The following LCTL variants were observed in gnomAD, a reference collection of about 807,000 sequenced individuals.
LCTL encodes the protein lactase like, also known as lactase-like protein.
In LCTL, 76 loss-of-function variants were observed where a neutral mutation model predicts 75.8. The ratio of observed to expected loss-of-function variants is 1.00; its 90% confidence interval spans 0.83 to 1.21. The LOEUF is 1.21. Among genes scored for constraint, LCTL ranks in the 50% most tolerant of loss-of-function variants. LCTL has a pLI of 0.00. For synonymous variants in LCTL, 271 were observed against 268.8 expected, an observed-to-expected ratio of 1.01 and a Z score of -0.08; for missense variants, 670 against 712.4, an observed-to-expected ratio of 0.94 and a Z score of 0.68.
chr15:66,563,467 C>T (rs1371211058), intron 4 of LCTL, 49 bp downstream of exon 5: 2 of 1,362,438 alleles, frequency 1.5e-6, no homozygotes, highest in Non-Finnish European at 2.1e-6. Context: ...GGGCTCCCTC[C>T]TGCTTAGTTG....
At chr15:66,556,379 A>G (rs1157656504) in intron 8 of LCTL, among the ~76,000 whole-genome samples, 1 of 152,084 alleles carries the variant, frequency 6.6e-6, no homozygotes. Context: ...ATCTCGGCCC[A>G]CTGCAACCTC....
intron 8 of LCTL, among the ~76,000 whole-genome samples, chr15:66,554,978 G>A (rs922065837): frequency 3.3e-5 from 5 of 152,094 alleles, no homozygotes; most frequent in African/African-American, 1.2e-4. Context: ...ATGTCCAGGT[G>A]TAATCTATAC....
At chr15:66,558,316 C>G (rs1054847052) in intron 6 of LCTL, among the ~76,000 whole-genome samples, 10 of 152,014 alleles carry the variant, frequency 6.6e-5, no homozygotes, top group African/African-American at 2.4e-4. Context: ...CCTCTTAGTC[C>G]TCAGTAGCAA....
At chr15:66,565,814 T>G, upstream of LCTL, 1 of 159,938 alleles carries the variant, frequency 6.3e-6, no homozygotes, top group Non-Finnish European at 1.4e-5. Flanking sequence ...GGGAGACCCC[T>G]CGCTCTGGAA....
At chr15:66,559,836 C>T (rs963931607) in intron 6 of LCTL, among the ~76,000 whole-genome samples, 7 of 152,150 alleles carry the variant, frequency 4.6e-5, no homozygotes, top group Non-Finnish European at 7.3e-5. Flanking sequence ...CCTACAATCT[C>T]AGCACTTTGG....
rs1358298909 is a variant in LCTL at position 66,564,657 on chromosome 15, ACT to A, written c.282+17_282+18del. 1.2e-6 allele frequency: 2 copies of A among 1,608,186 alleles called. No homozygotes were observed. The highest frequency in any genetic ancestry group is 2.2e-5 in the East Asian group (1 of 44,842). On this transcript the variant is annotated intron_variant, in intron 2 of 12. Transcript: ENST00000341509. ...TGTGCACGCGCGCGCACACACACAC[ACT>A]CACACCCCGCACTCACCTGGACCTT... is the stretch of plus-strand genomic sequence containing the variant.
In LCTL at chr15:66,565,239, T is replaced by C. The variant is rs951247340; in HGVS notation, c.118+9A>G. 12 of 1,567,192 alleles carry C rather than the reference T, an allele frequency of 7.7e-6. No homozygotes were observed. The African/African-American group carries it at 1.5e-4, about 19-fold the overall frequency. On this transcript the variant is annotated intron_variant, in intron 1 of 12. Transcript: ENST00000341509. ...ACAGGCAGACAGACGAACAGAGGCG[T>C]GGCCGTACCAAGAGGGAAGGTTCCA... is the stretch of plus-strand genomic sequence containing the variant.
intron 8 of LCTL, among the ~76,000 whole-genome samples, chr15:66,556,668 A>G (rs1453644940): frequency 6.6e-6 from 1 of 152,198 alleles, no homozygotes; most frequent in East Asian, 1.9e-4. Context: ...AAATGGATGA[A>G]TCTTGAGGAC....
chr15:66,551,345 CAAAAAAAAAAAAAAAA>C (rs67322943), intron 11 of LCTL, among the ~76,000 whole-genome samples: 6 of 50,534 alleles, frequency 1.2e-4, no homozygotes, highest in Admixed American at 2.7e-4. Flanking sequence ...GATTCTGTCT[CAAAAAAAAAAAAAAAA>C]AAAAAAAAAG....
At chr15:66,558,093 C>T in intron 6 of LCTL, 57 bp from the exon 8 acceptor site, 1 of 1,464,010 alleles carries the variant, frequency 6.8e-7, no homozygotes, top group Non-Finnish European at 9.3e-7. Flanking sequence ...TCCTCCCTTT[C>T]AATCTGAGTG....
In LCTL at chr15:66,565,383, C is replaced by A. The variant is rs368661761; in HGVS notation, c.-18G>T. On this transcript the variant is annotated 5_prime_UTR_variant, in exon 1 of 13. It removes an upstream start codon present in the reference 5' UTR. Coordinates refer to ENST00000341509, the Ensembl canonical transcript of LCTL. ...GGCTTCATGGTGCCTGGCCCTCCCC[C>A]ATACCTGAAAAAGTGCAGCTGGCTC... 5.6e-5 allele frequency: 85 copies of A among 1,514,888 alleles called. No individual in the cohort carries two copies. The highest frequency in any genetic ancestry group is 7.0e-5 in the Non-Finnish European group (77 of 1,104,432). 93.8% of individuals were successfully genotyped at this position (1,514,888 alleles called of 1,614,324 possible).
intron 2 of LCTL, 29 bp downstream of exon 3, chr15:66,564,645 GCA>G (rs566749454): frequency 6.9e-5 from 108 of 1,572,142 alleles, no homozygotes; most frequent in Middle Eastern, 3.4e-4. Flanking sequence ...GCACGCGCGC[GCA>G]CACACACACA....
Position 66,563,505 on chromosome 15 carries a change from C to G in LCTL, c.480+11G>C. The G allele has an allele frequency of 1.2e-6, 2 of 1,600,898 alleles. No individual in the cohort carries two copies. Among genetic ancestry groups the G allele is most frequent in the Non-Finnish European group, 1.7e-6 (2 of 1,169,778 alleles). On this transcript the variant is annotated intron_variant, in intron 4 of 12. Coordinates refer to ENST00000341509, the Ensembl canonical transcript of LCTL. ...TCCCCTTTGGGCCTGTGAGCCTGCTCAGGTCCTCACCTGTGGCAGATCCCA... is the reference window on the plus strand; with the variant it reads ...TCCCCTTTGGGCCTGTGAGCCTGCTGAGGTCCTCACCTGTGGCAGATCCCA...
exon 13 of LCTL, chr15:66,548,107 G>A (rs1895448788): frequency 6.3e-6 from 1 of 159,056 alleles, no homozygotes; most frequent in African/African-American, 2.4e-5. Context: ...TATCTATCAG[G>A]TATGGGACAG....
chr15:66,563,209 A>AG (rs1413277422), intron 4 of LCTL, among the ~76,000 whole-genome samples: 2 of 152,214 alleles, frequency 1.3e-5, no homozygotes, highest in Non-Finnish European at 2.9e-5. Context: ...TTGGAAGCAG[A>AG]GACTGGGGCC....
chr15:66,556,028 T>C (rs552890091), intron 8 of LCTL, among the ~76,000 whole-genome samples: 7 of 152,300 alleles, frequency 4.6e-5, no homozygotes, highest in African/African-American at 1.4e-4. Context: ...TGTGGAGTAA[T>C]TGGAACCCTT....
At position 66,564,658 on chromosome 15, in the gene LCTL, C is replaced by T; in HGVS notation, c.282+18G>A. On this transcript the variant is annotated intron_variant, in intron 2 of 12. Coordinates refer to ENST00000341509, the Ensembl canonical transcript of LCTL. The stretch of plus-strand genomic sequence containing the variant: ...GTGCACGCGCGCGCACACACACACA[C>T]TCACACCCCGCACTCACCTGGACCT... The T allele has an allele frequency of 2.5e-6, 4 of 1,609,228 alleles. No individual in the cohort carries two copies. The Admixed American group carries it at 6.7e-5, about 27-fold the overall frequency.
intron 6 of LCTL, 110 bp downstream of exon 7, chr15:66,560,896 A>G: frequency 8.1e-6 from 7 of 860,372 alleles, no homozygotes; most frequent in Non-Finnish European, 1.3e-5. Flanking sequence ...GGTGCTATGG[A>G]GTATGCTGAC....
At chr15:66,551,345 C>CA (rs67322943) in intron 11 of LCTL, among the ~76,000 whole-genome samples, 16,452 of 50,356 alleles carry the variant, frequency 0.33, 3,516 homozygotes, top group Middle Eastern at 0.42. Context: ...GATTCTGTCT[C>CA]AAAAAAAAAA....
Sources: gnomAD v4.1 joint callset for allele counts (sites outside exome capture counted in the v4.1 genomes callset) on GRCh38, gnomAD v4.1.1 for gene constraint, MANE v1.5 for transcripts, NCBI Gene and HGNC (gene_info 2026-07-23, HGNC 2026-07-21) for gene names.